STK10: variants seen among roughly 807,000 people sequenced by gnomAD.
STK10 encodes serine/threonine-protein kinase 10.
In STK10, 78 loss-of-function variants were observed where a neutral mutation model predicts 113.8. That is an observed-to-expected ratio of 0.69 (90% CI 0.57 to 0.83). The LOEUF (loss-of-function observed/expected upper bound fraction) is 0.83, where lower values mean the gene tolerates loss of function less well. Ranked by LOEUF, STK10 falls within the 40% of genes least tolerant of loss-of-function variation. STK10 has a pLI of 0.00. For synonymous variants in STK10, 465 were observed against 494.7 expected, an observed-to-expected ratio of 0.94 and a Z score of 0.80; for missense variants, 1,109 against 1,280.1, an observed-to-expected ratio of 0.87 and a Z score of 2.04.
chr5:172,179,571 CAG>C (rs1770814432), intron 1 of STK10, among the ~76,000 whole-genome samples: 1 of 152,146 alleles, frequency 6.6e-6, no homozygotes, highest in Non-Finnish European at 1.5e-5. Context: ...CCAGAACGGC[CAG>C]TGTGAAATCA....
chr5:172,049,798 G>GTTTATT (rs202167217), intron 18 of STK10, among the ~76,000 whole-genome samples: 1 of 151,990 alleles, frequency 6.6e-6, no homozygotes. Context: ...ACTCACATGT[G>GTTTATT]TTTATTTTTA....
Position 172,170,898 on chromosome 5 carries a change from C to A in STK10, c.157-14110G>T, listed in dbSNP as rs569129619. Among the ~76,000 whole-genome samples, 3 of 152,248 alleles carry A rather than the reference C, an allele frequency of 2.0e-5. No individual in the cohort carries two copies. In the East Asian group the frequency reaches 5.8e-4, roughly 29 times the overall value. On this transcript the variant is annotated intron_variant, in intron 1 of 18. Coordinates refer to ENST00000176763, the MANE Select transcript of STK10 (RefSeq NM_005990.4). ...CAGAGGAGGACAGTGAGACTCAATGCGGAGTTGCAGAGGGGAGAGGACTCC... is the reference window on the plus strand; with the variant it reads ...CAGAGGAGGACAGTGAGACTCAATGAGGAGTTGCAGAGGGGAGAGGACTCC...
intron 3 of STK10, among the ~76,000 whole-genome samples, chr5:172,119,974 GAT>G (rs1769475510): frequency 6.6e-6 from 1 of 152,212 alleles, no homozygotes; most frequent in African/African-American, 2.4e-5. Context: ...CAGTGGTCCA[GAT>G]AGGCACCAAA....
chr5:172,146,210 G>A (rs1050211680), intron 2 of STK10, among the ~76,000 whole-genome samples: 1 of 152,224 alleles, frequency 6.6e-6, no homozygotes, highest in Non-Finnish European at 1.5e-5. Context: ...CGGGCCCACA[G>A]CCGGTGCTCC....
Position 172,052,934 on chromosome 5 carries a change from TGCGCGGCCGAAGC to T in STK10, c.2748_2760del (p.Leu917ArgfsTer8). ...ACCAGCTCGGATAAAGTTACCTTCT[TGCGCGGCCGAAGC>T]TTGTCCCGCCATTCCTTCAGGTTCT... is the stretch of plus-strand genomic sequence containing the variant. On this transcript the variant is annotated frameshift_variant, in exon 18 of 19. Transcript: ENST00000176763. LOFTEE classifies it low-confidence loss of function (END_TRUNC). 6.2e-7 allele frequency: 1 copy of T among 1,613,906 alleles called. No homozygotes were observed. The highest frequency in any genetic ancestry group is 1.1e-5 in the South Asian group (1 of 91,050).
Position 172,055,571 on chromosome 5 carries a change from G to C in STK10, c.2526+17C>G. On this transcript the variant is annotated intron_variant, in intron 16 of 18. Transcript: ENST00000176763. ...ACACCCCAGCACACTTGCAGACCCCGCAGGCCCGGCCCCCACCTGCTTGAT... is the reference window on the plus strand; with the variant it reads ...ACACCCCAGCACACTTGCAGACCCCCCAGGCCCGGCCCCCACCTGCTTGAT... The C allele has an allele frequency of 1.4e-6, 2 of 1,442,038 alleles. No homozygotes were observed. The highest frequency in any genetic ancestry group is 1.8e-6 in the Non-Finnish European group (2 of 1,086,966). 89.3% of individuals were successfully genotyped at this position (1,442,038 alleles called of 1,614,324 possible).
At chr5:172,058,739 A>T (rs1767858932) in intron 14 of STK10, among the ~76,000 whole-genome samples, 1 of 151,980 alleles carries the variant, frequency 6.6e-6, no homozygotes, top group Admixed American at 6.6e-5. Context: ...AAAATATAAA[A>T]ATCAGCTGGG....
chr5:172,089,577 AT>A (rs1768649081), intron 10 of STK10, among the ~76,000 whole-genome samples: 1 of 152,082 alleles, frequency 6.6e-6, no homozygotes, highest in South Asian at 2.1e-4. Flanking sequence ...GGGTAGATAA[AT>A]GGATAGAAGG....
intron 4 of STK10, among the ~76,000 whole-genome samples, chr5:172,110,109 C>T (rs541303591): frequency 2.0e-5 from 3 of 152,332 alleles, no homozygotes; most frequent in Middle Eastern, 6.8e-3. Context: ...GAGACACTAG[C>T]CGGGATCAGA....
intron 12 of STK10, among the ~76,000 whole-genome samples, chr5:172,081,209 A>G (rs188298222): frequency 2.7e-3 from 407 of 151,954 alleles, no homozygotes; most frequent in African/African-American, 9.4e-3. Context: ...AAATTAGCCA[A>G]GCGTGGTGGT....
intron 7 of STK10, among the ~76,000 whole-genome samples, chr5:172,100,644 G>A (rs550573148): frequency 8.0e-4 from 121 of 152,036 alleles, no homozygotes; most frequent in Non-Finnish European, 1.5e-3. Context: ...AGAATTAGCC[G>A]GGTGTGGTGG....
chr5:172,058,064 A>G (rs1046563189), intron 14 of STK10, among the ~76,000 whole-genome samples: 8 of 152,202 alleles, frequency 5.3e-5, no homozygotes, highest in African/African-American at 1.9e-4. Flanking sequence ...GCATCTTAAC[A>G]CTGGAGGTCT....
intron 9 of STK10, chr5:172,092,507 G>A (rs1019287322): frequency 6.6e-6 from 1 of 152,184 alleles, no homozygotes; most frequent in Non-Finnish European, 1.5e-5. Flanking sequence ...GGTAACAGCT[G>A]CTGTGCATGC....
chr5:172,131,571 G>A (rs1290934276), intron 2 of STK10, among the ~76,000 whole-genome samples: 2 of 151,966 alleles, frequency 1.3e-5, no homozygotes, highest in Admixed American at 1.3e-4. Flanking sequence ...TTTTGCCTTG[G>A]CTGCTGGGAA....
intron 15 of STK10, 148 bp downstream of exon 15, chr5:172,057,201 G>A: frequency 3.4e-6 from 4 of 1,160,846 alleles, no homozygotes; most frequent in Non-Finnish European, 4.8e-6. Flanking sequence ...GAACCTCCTG[G>A]GGCCTCACTG....
intron 4 of STK10, among the ~76,000 whole-genome samples, chr5:172,112,721 G>A (rs994722022): frequency 6.7e-6 from 1 of 149,480 alleles, no homozygotes; most frequent in Non-Finnish European, 1.5e-5. Flanking sequence ...ACCCGGCCAG[G>A]ACCCTACATT....
intron 10 of STK10, among the ~76,000 whole-genome samples, chr5:172,089,524 GGACA>G (rs1768647553): frequency 6.6e-6 from 1 of 151,982 alleles, no homozygotes; most frequent in Non-Finnish European, 1.5e-5. Context: ...ATGATTGGGT[GGACA>G]GACGGAAAGG....
chr5:172,048,456 C>A (rs1181447826), intron 18 of STK10, among the ~76,000 whole-genome samples: 3 of 150,568 alleles, frequency 2.0e-5, no homozygotes, highest in Non-Finnish European at 2.9e-5. Flanking sequence ...CACACACATC[C>A]TCTCTCTATC....
At chr5:172,139,674 T>C (rs1769935092) in intron 2 of STK10, among the ~76,000 whole-genome samples, 1 of 151,950 alleles carries the variant, frequency 6.6e-6, no homozygotes, top group Admixed American at 6.6e-5. Flanking sequence ...GAGCCCTACC[T>C]TACACCATAT....
Sources: allele counts gnomAD v4.1 joint callset (sites outside exome capture counted in the v4.1 genomes callset), GRCh38; gene constraint gnomAD v4.1.1; transcripts MANE v1.5; gene names NCBI Gene and HGNC (gene_info 2026-07-23, HGNC 2026-07-21).